PTPN7: variants seen among roughly 807,000 people sequenced by gnomAD.
PTPN7 encodes the protein protein tyrosine phosphatase non-receptor type 7.
In PTPN7, 33 loss-of-function variants were observed where a neutral mutation model predicts 50.3. That is an observed-to-expected ratio of 0.66 (90% CI 0.50 to 0.88). The LOEUF (loss-of-function observed/expected upper bound fraction) is 0.88, where lower values mean the gene tolerates loss of function less well. Among genes scored for constraint, PTPN7 ranks in the 40% least tolerant of loss-of-function variants. The probability of loss-of-function intolerance (pLI) is 0.00; values close to 1 mark genes in which losing one functional copy is unlikely to be tolerated. For missense variants in PTPN7, 412 were observed against 475.4 expected, an observed-to-expected ratio of 0.87 and a Z score of 1.24; for synonymous variants, 185 against 186.6, an observed-to-expected ratio of 0.99 and a Z score of 0.07.
rs1656849485 is a variant in PTPN7 at position 202,157,798 on chromosome 1, G to A, written c.332C>T (p.Pro111Leu). The A allele has an allele frequency of 1.2e-6, 2 of 1,614,174 alleles. No homozygotes were observed. Among genetic ancestry groups the A allele is most frequent in the Non-Finnish European group, 1.7e-6 (2 of 1,180,002 alleles). ...FLKIPSNFVS[P>L]EDLDIPGHAS... ...GTGGCCAGGGATGTCCAGGTCTTCGGGGCTGACAAAGTTTGAAGGGATCTT... is the reference window on the plus strand; with the variant it reads ...GTGGCCAGGGATGTCCAGGTCTTCGAGGCTGACAAAGTTTGAAGGGATCTT... Residue 111 changes from proline (P) to leucine (L), a missense_variant, in exon 4 of 10, where the codon CCC becomes CTC. By Grantham distance (98) the Pro-to-Leu change is moderately conservative. Coordinates refer to ENST00000691036, the MANE Select transcript of PTPN7 (RefSeq NM_002832.4).
intron 7 of PTPN7, among the ~76,000 whole-genome samples, chr1:202,153,491 G>C (rs1656277185): frequency 6.6e-6 from 1 of 152,176 alleles, no homozygotes; most frequent in East Asian, 1.9e-4. Flanking sequence ...GTCCCCGCCT[G>C]ACCATTTACA....
intron 4 of PTPN7, among the ~76,000 whole-genome samples, chr1:202,156,557 C>T (rs1005846021): frequency 6.6e-6 from 1 of 152,226 alleles, no homozygotes; most frequent in Non-Finnish European, 1.5e-5. Context: ...TCGCTCTGCT[C>T]ATGCCAGCCT....
intron 2 of PTPN7, chr1:202,158,698 T>A (rs913694478): frequency 5.6e-6 from 1 of 177,622 alleles, no homozygotes; most frequent in South Asian, 1.4e-4. Flanking sequence ...ATTACTGTTA[T>A]AAGGCACCTC....
chr1:202,147,758 C>T lies in PTPN7; in HGVS notation c.*848G>A, dbSNP rs1488117548. The T allele has an allele frequency of 1.3e-5, 2 of 152,186 alleles. No homozygotes were observed. Among genetic ancestry groups the T allele is most frequent in the African/African-American group, 2.4e-5 (1 of 41,422 alleles). 9.4% of individuals were successfully genotyped at this position (152,186 alleles called of 1,614,324 possible). ...TGCAAGGTATAGTGGGTCCTGCATA[C>T]CCAGGGTATTATTTGAGCCATGGAA... On this transcript the variant is annotated 3_prime_UTR_variant, in exon 10 of 10. Transcript: ENST00000691036.
chr1:202,152,572 G>C lies in PTPN7; in HGVS notation c.845C>G (p.Ala282Gly). ...AEVEESPETA[A>G]HPGPIVVHCS... is the part of the protein sequence containing the mutation. Reference sequence around the variant, plus strand: ...GTGGACTACGATAGGCCCGGGGTGGGCGGCTGTCTCCGGGCTCTCCTCCAC... The same window carrying C: ...GTGGACTACGATAGGCCCGGGGTGGCCGGCTGTCTCCGGGCTCTCCTCCAC... Residue 282 changes from alanine (A) to glycine (G), a missense_variant, in exon 8 of 10, where the codon GCC becomes GGC. By Grantham distance (60) the Ala-to-Gly change is moderately conservative. Transcript: ENST00000691036. 5 of 1,613,498 alleles carry C rather than the reference G, an allele frequency of 3.1e-6. No individual in the cohort carries two copies. Among genetic ancestry groups the C allele is most frequent in the Non-Finnish European group, 4.2e-6 (5 of 1,180,020 alleles).
Position 202,153,933 on chromosome 1 carries a change from A to G in PTPN7, c.607-98T>C, listed in dbSNP as rs141835338. On this transcript the variant is annotated intron_variant, in intron 6 of 9. Coordinates refer to ENST00000691036, the MANE Select transcript of PTPN7 (RefSeq NM_002832.4). ...TATCTCCTCCCCATCCTCCACCCCT[A>G]CTGGATGGGAGGTCAGCAACAGGGA... 1,017 of 1,089,810 alleles carry G rather than the reference A, an allele frequency of 9.3e-4. 7 individuals carry two copies. The African/African-American group carries it at 0.014, about 15-fold the overall frequency. The allele number at this position is 1,089,810 out of a possible 1,614,324, so 67.5% of individuals were successfully genotyped here.
At chr1:202,153,962 T>C (rs941432711) in intron 6 of PTPN7, 127 bp from the exon 7 acceptor site, 1 of 999,810 alleles carries the variant, frequency 1.0e-6, no homozygotes, top group Non-Finnish European at 1.5e-6. Flanking sequence ...ACAGGGAGCC[T>C]GGCTCTTCTG....
Position 202,153,581 on chromosome 1 carries a change from C to G in PTPN7, c.717+144G>C, listed in dbSNP as rs140798823. The G allele has an allele frequency of 6.2e-4, 409 of 662,572 alleles. 3 individuals are homozygous for G. In the East Asian group the frequency reaches 1.0e-2, roughly 16 times the overall value. The allele number at this position is 662,572 out of a possible 1,614,324, so 41.0% of individuals were successfully genotyped here. ...TAGACTAGAGGCTGAGGACAGTGCT[C>G]AAGTTTCTCTTTCTGCTATAGATGT... On this transcript the variant is annotated intron_variant, in intron 7 of 9. Coordinates refer to ENST00000691036, the MANE Select transcript of PTPN7 (RefSeq NM_002832.4).
Position 202,160,440 on chromosome 1 carries a change from C to A in PTPN7, c.-53+105G>T, listed in dbSNP as rs1273408033. The A allele has an allele frequency of 5.8e-6, 7 of 1,199,158 alleles. No homozygotes were observed. In the South Asian group the frequency reaches 1.0e-4, roughly 18 times the overall value. The allele number at this position is 1,199,158 out of a possible 1,614,324, so 74.3% of individuals were successfully genotyped here. On this transcript the variant is annotated intron_variant, in intron 1 of 9. Transcript: ENST00000691036. This position sits in a 1 kb window ranked among gnomAD's most constrained non-coding sequence, Gnocchi z 4.8. ...CATACCCCAGCCAGGCACTGTGGCG[C>A]CCCACTCGCCCTCCCGCACTCCCTC...
chr1:202,161,338 C>T, upstream of PTPN7: 5 of 1,191,468 alleles, frequency 4.2e-6, no homozygotes, highest in Non-Finnish European at 5.3e-6. Context: ...GGCCCTCAGC[C>T]CCCTGCAGGC....
At chr1:202,161,250 G>A (rs998518366), upstream of PTPN7, 64 of 1,133,100 alleles carry the variant, frequency 5.6e-5, no homozygotes, top group African/African-American at 7.1e-4. Flanking sequence ...CACAGCCCAC[G>A]GCCTGAGTGT....
In PTPN7 at chr1:202,160,443, C is replaced by A; in HGVS notation, c.-53+102G>T. 1 of 1,231,674 alleles carries A rather than the reference C, an allele frequency of 8.1e-7. No homozygotes were observed. Among genetic ancestry groups the A allele is most frequent in the East Asian group, 2.6e-5 (1 of 38,952 alleles). 76.3% of individuals were successfully genotyped at this position (1,231,674 alleles called of 1,614,324 possible). A position where few individuals can be genotyped will look rare whatever the true frequency, so the allele number is the denominator to read the frequency against. ...ACCCCAGCCAGGCACTGTGGCGCCC[C>A]ACTCGCCCTCCCGCACTCCCTCCTA... On this transcript the variant is annotated intron_variant, in intron 1 of 9. Transcript: ENST00000691036. The surrounding 1 kb of genome is among the most constrained non-coding windows in gnomAD (Gnocchi z 4.8).
At chr1:202,158,495 G>C in intron 2 of PTPN7, 194 bp from the exon 3 acceptor site, 1 of 564,260 alleles carries the variant, frequency 1.8e-6, no homozygotes, top group South Asian at 2.4e-5. Context: ...AGAGTAACTG[G>C]GACCACAGGT....
chr1:202,160,001 T>C lies in PTPN7; in HGVS notation c.-53+544A>G. 7 of 996,574 alleles carry C rather than the reference T, an allele frequency of 7.0e-6. No homozygotes were observed. The highest frequency in any genetic ancestry group is 8.4e-6 in the Non-Finnish European group (7 of 836,844). The allele number at this position is 996,574 out of a possible 1,614,324, so 61.7% of individuals were successfully genotyped here. On this transcript the variant is annotated intron_variant, in intron 1 of 9. Coordinates refer to ENST00000691036, the MANE Select transcript of PTPN7 (RefSeq NM_002832.4). The surrounding 1 kb of genome is among the most constrained non-coding windows in gnomAD (Gnocchi z 4.8). ...CCAGGTCTGTTTCTGGCTTCTGGGG[T>C]CTCTGTCCAGGGAGGTAGGCTGGAG... is the stretch of plus-strand genomic sequence containing the variant.
intron 4 of PTPN7, 72 bp from the exon 5 acceptor site, chr1:202,155,681 A>G: frequency 2.2e-6 from 3 of 1,336,478 alleles, no homozygotes; most frequent in Non-Finnish European, 3.2e-6. Flanking sequence ...GCAGGGTCAG[A>G]AAGAGGAGAG....
intron 9 of PTPN7, 22 bp from the exon 10 acceptor site, chr1:202,148,721 C>T: frequency 6.2e-7 from 1 of 1,607,474 alleles, no homozygotes; most frequent in Non-Finnish European, 8.5e-7. Context: ...AACACACAGA[C>T]CATGAGTGAA....
rs111924024 is a variant in PTPN7 at position 202,160,530 on chromosome 1, C to T, written c.-53+15G>A. 47 of 1,539,344 alleles carry T rather than the reference C, an allele frequency of 3.1e-5. No individual in the cohort carries two copies. In the African/African-American group the frequency reaches 5.1e-4, roughly 17 times the overall value. On this transcript the variant is annotated intron_variant, in intron 1 of 9. Transcript: ENST00000691036. The surrounding 1 kb of genome is among the most constrained non-coding windows in gnomAD (Gnocchi z 4.8). ...CGGGGCCACAGGACTCCCAGTCCCC[C>T]CTTCAGATACTTACTGAAGCAGCTG...
At chr1:202,150,633 T>C (rs1655902261) in intron 8 of PTPN7, among the ~76,000 whole-genome samples, 1 of 152,206 alleles carries the variant, frequency 6.6e-6, no homozygotes, top group South Asian at 2.1e-4. Flanking sequence ...GGGAGGAGTT[T>C]ACATTTCTTA....
In PTPN7 at chr1:202,159,815, G is replaced by A. The variant is rs752768747; in HGVS notation, c.-52-361C>T. ...ACAGAAAATATGTGTTCTCTAGGAC[G>A]GAAGGGAGAAAGCACGCAGAAGCCA... On this transcript the variant is annotated intron_variant, in intron 1 of 9. Transcript: ENST00000691036. This position sits in a 1 kb window ranked among gnomAD's most constrained non-coding sequence, Gnocchi z 4.6. 75 of 1,148,600 alleles carry A rather than the reference G, an allele frequency of 6.5e-5. No homozygotes were observed. The highest frequency in any genetic ancestry group is 1.5e-4 in the South Asian group (4 of 26,866). 71.2% of individuals were successfully genotyped at this position (1,148,600 alleles called of 1,614,324 possible).
Sources: gnomAD v4.1 joint callset for allele counts (sites outside exome capture counted in the v4.1 genomes callset) on GRCh38, gnomAD v4.1.1 for gene constraint, Gnocchi (gnomAD v3.1) non-coding constraint, MANE v1.5 for transcripts, NCBI Gene and HGNC (gene_info 2026-07-23, HGNC 2026-07-21) for gene names.